DCAF16: variants seen among roughly 807,000 people sequenced by gnomAD.
DCAF16 encodes DDB1- and CUL4-associated factor 16.
Under a neutral mutation model 17.3 loss-of-function variants are expected in DCAF16, and 10 were observed. The ratio of observed to expected loss-of-function variants is 0.58; its 90% confidence interval spans 0.36 to 0.98. The LOEUF (loss-of-function observed/expected upper bound fraction) is 0.98. Among genes scored for constraint, DCAF16 ranks in the 50% least tolerant of loss-of-function variants. DCAF16 has a pLI of 0.01. For missense variants in DCAF16, 249 were observed against 247.6 expected (o/e 1.01, Z -0.04); for synonymous variants, 111 against 92.8 (o/e 1.20, Z -1.12).
Position 17,802,226 on chromosome 4 carries a change from T to A in DCAF16, c.*1265A>T, listed in dbSNP as rs551523650. The stretch of plus-strand genomic sequence containing the variant: ...AAAATTTTAATCCATTAGCAGTTAA[T>A]GCTGAAAGCAGAAATGCTCTCTTAA... On this transcript the variant is annotated 3_prime_UTR_variant, in exon 3 of 3. Transcript: ENST00000382247. 40 of 152,770 alleles carry A rather than the reference T, an allele frequency of 2.6e-4. No homozygotes were observed. Among genetic ancestry groups the A allele is most frequent in the African/African-American group, 9.1e-4 (38 of 41,586 alleles). The allele number at this position is 152,770 out of a possible 1,614,324, so 9.5% of individuals were successfully genotyped here.
chr4:17,797,857 G>A (rs1348538713), downstream of DCAF16, among the ~76,000 whole-genome samples: 2 of 152,054 alleles, frequency 1.3e-5, no homozygotes, highest in African/African-American at 4.8e-5. Context: ...TGATACATTG[G>A]AGTGTCAGGT....
At chr4:17,807,785 C>T (rs1720462602) in intron 1 of DCAF16, among the ~76,000 whole-genome samples, 1 of 152,162 alleles carries the variant, frequency 6.6e-6, no homozygotes, top group Admixed American at 6.5e-5. Context: ...ATCAATGTCT[C>T]GTTTATGCTA....
In DCAF16 at chr4:17,803,571, G is replaced by A. The variant is rs779645230; in HGVS notation, c.571C>T (p.Arg191Cys). Reference sequence around the variant, plus strand: ...TAAGTAGTGTTGATGGGTTCAGTACGAGTTGTTTCCTTAACTGTTTTAGTC... The same window carrying A: ...TAAGTAGTGTTGATGGGTTCAGTACAAGTTGTTTCCTTAACTGTTTTAGTC... ...WLTKTVKETT[R>C]TEPINTTYSY... The change falls in exon 3 of 3, where the codon CGT (arginine) becomes TGT (cysteine). Residue 191 changes from arginine (R) to cysteine (C), a missense_variant. Transcript: ENST00000382247. 11 of 1,614,012 alleles carry A rather than the reference G, an allele frequency of 6.8e-6. No individual in the cohort carries two copies. Among genetic ancestry groups the A allele is most frequent in the South Asian group, 1.1e-5 (1 of 91,092 alleles).
At chr4:17,807,255 TCTGGA>T (rs1720413455) in intron 1 of DCAF16, among the ~76,000 whole-genome samples, 1 of 152,230 alleles carries the variant, frequency 6.6e-6, no homozygotes, top group Non-Finnish European at 1.5e-5. Flanking sequence ...ATTAATCATT[TCTGGA>T]CTGAACTAAA....
rs954145335 is a variant in DCAF16, at chr4:17,803,248, C to T, written c.*243G>A. 26 of 479,944 alleles carry T rather than the reference C, an allele frequency of 5.4e-5. No homozygotes were observed. Among genetic ancestry groups the T allele is most frequent in the African/African-American group, 4.7e-4 (24 of 51,224 alleles). The allele number at this position is 479,944 out of a possible 1,614,324, so 29.7% of individuals were successfully genotyped here. On this transcript the variant is annotated 3_prime_UTR_variant, in exon 3 of 3. Transcript: ENST00000382247. Reference sequence around the variant, plus strand: ...CTGTGTTGGCAAGGCTGGTCTCAAACTTCTGACTTCAGCAGATCCACCCGC... The same window carrying T: ...CTGTGTTGGCAAGGCTGGTCTCAAATTTCTGACTTCAGCAGATCCACCCGC...
In DCAF16 at chr4:17,803,415, T is replaced by C. The variant is rs1195187015; in HGVS notation, c.*76A>G. Reference sequence around the variant, plus strand: ...GAGAGTTTGACTGAGAAGGCATTAGTGGGCTGTGTAATGACTAACTTTGTA... The same window carrying C: ...GAGAGTTTGACTGAGAAGGCATTAGCGGGCTGTGTAATGACTAACTTTGTA... On this transcript the variant is annotated 3_prime_UTR_variant, in exon 3 of 3. Coordinates refer to ENST00000382247, the MANE Select transcript of DCAF16 (RefSeq NM_017741.4). 7.4e-7 allele frequency: 1 copy of C among 1,358,368 alleles called. No individual in the cohort carries two copies. Among genetic ancestry groups the C allele is most frequent in the African/African-American group, 1.4e-5 (1 of 69,418 alleles). The allele number at this position is 1,358,368 out of a possible 1,614,324, so 84.1% of individuals were successfully genotyped here.
rs1028323060 is a variant in DCAF16 at position 17,803,549 on chromosome 4, G to A, written c.593C>T (p.Thr198Ile). The change falls in exon 3 of 3, where the codon ACT (threonine) becomes ATT (isoleucine). Residue 198 changes from threonine (T) to isoleucine (I), a missense_variant. Thr to Ile is a moderately conservative substitution (Grantham distance 89). Coordinates refer to ENST00000382247, the MANE Select transcript of DCAF16 (RefSeq NM_017741.4). Reference protein sequence around the residue: ...ETTRTEPINTTYSYTDFQKAV... With the variant: ...ETTRTEPINTIYSYTDFQKAV... ...CTTTTGGAAGTCAGTGTAAGAATAA[G>A]TAGTGTTGATGGGTTCAGTACGAGT... 2.5e-6 allele frequency: 4 copies of A among 1,614,068 alleles called. No homozygotes were observed. Among genetic ancestry groups the A allele is most frequent in the Non-Finnish European group, 1.7e-6 (2 of 1,180,002 alleles).
In DCAF16 at chr4:17,810,743, G is replaced by T. The variant is rs952544450; in HGVS notation, c.-1046C>A. The T allele has an allele frequency of 2.3e-5, 5 of 214,564 alleles. No individual in the cohort carries two copies. Among genetic ancestry groups the T allele is most frequent in the Admixed American group, 5.9e-5 (1 of 16,956 alleles). 13.3% of individuals were successfully genotyped at this position (214,564 alleles called of 1,614,324 possible). ...CAAGGCCACTCCGCTCAGCTCCCGC[G>T]CCGACGCTACTTCCGGCCGAGTCAA... On this transcript the variant is annotated 5_prime_UTR_variant, in exon 1 of 3. Transcript: ENST00000382247.
downstream of DCAF16, among the ~76,000 whole-genome samples, chr4:17,796,908 A>G (rs1458207636): frequency 6.6e-6 from 1 of 152,152 alleles, no homozygotes; most frequent in African/African-American, 2.4e-5. Context: ...AATATATAAG[A>G]AATACAACTT....
At chr4:17,804,934 C>T (rs1241930770) in intron 2 of DCAF16, among the ~76,000 whole-genome samples, 163 bp from the exon 3 acceptor site, 1 of 152,166 alleles carries the variant, frequency 6.6e-6, no homozygotes, top group Non-Finnish European at 1.5e-5. Flanking sequence ...ATAGCTCTTA[C>T]AATCACAATA....
At chr4:17,809,618 G>A (rs576370744) in intron 1 of DCAF16, 7 of 152,242 alleles carry the variant, frequency 4.6e-5, no homozygotes, top group Middle Eastern at 3.4e-3. Context: ...CTGGCAGTAG[G>A]TTACTGAGGT....
the DCAF16 span, among the ~76,000 whole-genome samples, chr4:17,794,246 A>T: frequency 6.6e-6 from 1 of 152,226 alleles, no homozygotes; most frequent in African/African-American, 2.4e-5. Context: ...ATATTTACAT[A>T]TACATAATGA....
Position 17,803,389 on chromosome 4 carries a change from A to G in DCAF16, c.*102T>C. The G allele has an allele frequency of 8.9e-7, 1 of 1,129,624 alleles. No individual in the cohort carries two copies. The allele number at this position is 1,129,624 out of a possible 1,614,324, so 70.0% of individuals were successfully genotyped here. On this transcript the variant is annotated 3_prime_UTR_variant, in exon 3 of 3. Coordinates refer to ENST00000382247, the MANE Select transcript of DCAF16 (RefSeq NM_017741.4). ...ATCCTCATTGGCTTGCCAGGGCATA[A>G]GAGAGTTTGACTGAGAAGGCATTAG...
At chr4:17,810,122 G>C (rs879819130) in intron 1 of DCAF16, among the ~76,000 whole-genome samples, 2 of 152,014 alleles carry the variant, frequency 1.3e-5, no homozygotes, top group African/African-American at 2.4e-5. Flanking sequence ...CCTATTTTTG[G>C]ATGGTGCATC....
downstream of DCAF16, among the ~76,000 whole-genome samples, chr4:17,798,754 T>G (rs191088740): frequency 6.6e-6 from 1 of 152,302 alleles, no homozygotes; most frequent in Admixed American, 6.5e-5. Context: ...TGGTCTCAGT[T>G]GCAAACTTAA....
chr4:17,803,429 A>T lies in DCAF16; in HGVS notation c.*62T>A. ...GAAGGCATTAGTGGGCTGTGTAATG[A>T]CTAACTTTGTACCACTTTCTCAATT... On this transcript the variant is annotated 3_prime_UTR_variant, in exon 3 of 3. Coordinates refer to ENST00000382247, the MANE Select transcript of DCAF16 (RefSeq NM_017741.4). 1.3e-6 allele frequency: 2 copies of T among 1,489,084 alleles called. No homozygotes were observed. The highest frequency in any genetic ancestry group is 2.5e-5 in the South Asian group (2 of 80,884). The allele number at this position is 1,489,084 out of a possible 1,614,324, so 92.2% of individuals were successfully genotyped here. A position where few individuals can be genotyped will look rare whatever the true frequency, so the allele number is the denominator to read the frequency against.
chr4:17,803,415 T>G lies in DCAF16; in HGVS notation c.*76A>C. 7.4e-7 allele frequency: 1 copy of G among 1,358,490 alleles called. No individual in the cohort carries two copies. The highest frequency in any genetic ancestry group is 1.0e-6 in the Non-Finnish European group (1 of 967,346). 84.2% of individuals were successfully genotyped at this position (1,358,490 alleles called of 1,614,324 possible). On this transcript the variant is annotated 3_prime_UTR_variant, in exon 3 of 3. Coordinates refer to ENST00000382247, the MANE Select transcript of DCAF16 (RefSeq NM_017741.4). ...GAGAGTTTGACTGAGAAGGCATTAG[T>G]GGGCTGTGTAATGACTAACTTTGTA...
At chr4:17,799,152 T>C (rs766150690), downstream of DCAF16, among the ~76,000 whole-genome samples, 4 of 152,204 alleles carry the variant, frequency 2.6e-5, no homozygotes, top group Non-Finnish European at 5.9e-5. Flanking sequence ...ATCTATATAT[T>C]TTCTCCATTT....
rs1418492296 is a variant in DCAF16 at position 17,802,250 on chromosome 4, AATC to A, written c.*1238_*1240del. ...ATGCTGAAAGCAGAAATGCTCTCTTAATCATTTTTCCATTCATCTTTTGAAATG... is the reference window on the plus strand; with the variant it reads ...ATGCTGAAAGCAGAAATGCTCTCTTAATTTTTCCATTCATCTTTTGAAATG... On this transcript the variant is annotated 3_prime_UTR_variant, in exon 3 of 3. Coordinates refer to ENST00000382247, the MANE Select transcript of DCAF16 (RefSeq NM_017741.4). 6.6e-6 allele frequency: 1 copy of A among 152,648 alleles called. No homozygotes were observed. The highest frequency in any genetic ancestry group is 6.5e-5 in the Admixed American group (1 of 15,278). The allele number at this position is 152,648 out of a possible 1,614,324, so 9.5% of individuals were successfully genotyped here. A position where few individuals can be genotyped will look rare whatever the true frequency, so the allele number is the denominator to read the frequency against.
Sources: allele counts gnomAD v4.1 joint callset (sites outside exome capture counted in the v4.1 genomes callset), GRCh38; gene constraint gnomAD v4.1.1; transcripts MANE v1.5; gene names NCBI Gene and HGNC (gene_info 2026-07-23, HGNC 2026-07-21).